Variants in MACROD2 observed in about 807,000 individuals in gnomAD.
MACROD2 encodes the protein mono-ADP ribosylhydrolase 2.
MACROD2 carries 36 observed loss-of-function variants against 70.4 expected under a neutral mutation model. That is an observed-to-expected ratio of 0.51 (90% CI 0.39 to 0.68). The LOEUF is 0.68. MACROD2 is among the 30% of genes least tolerant of loss of function. The pLI, the probability that MACROD2 is intolerant of heterozygous loss-of-function variation, is 0.00. For missense variants in MACROD2, 496 were observed against 538.4 expected (o/e 0.92, Z 0.78); for synonymous variants, 172 against 178.8 (o/e 0.96, Z 0.30).
At chr20:15,368,094 T>G (rs1394393753) in intron 6 of MACROD2, among the ~76,000 whole-genome samples, 2 of 152,116 alleles carry the variant, frequency 1.3e-5, no homozygotes, top group East Asian at 3.9e-4. Context: ...GAAATTGTCA[T>G]ATGGAAAAGA....
chr20:15,464,147 C>G (rs2046854938), intron 7 of MACROD2, among the ~76,000 whole-genome samples: 1 of 152,142 alleles, frequency 6.6e-6, no homozygotes, highest in Non-Finnish European at 1.5e-5. Flanking sequence ...CTCCTAAGCT[C>G]AAGCAATCCG....
intron 8 of MACROD2, among the ~76,000 whole-genome samples, chr20:15,715,173 T>C (rs973666443): frequency 3.3e-5 from 5 of 152,144 alleles, no homozygotes; most frequent in African/African-American, 1.2e-4. Context: ...CCAAATATTT[T>C]ATAATGATGA....
At chr20:15,884,344 T>C (rs113711781) in intron 9 of MACROD2, among the ~76,000 whole-genome samples, 1 of 152,078 alleles carries the variant, frequency 6.6e-6, no homozygotes, top group African/African-American at 2.4e-5. Flanking sequence ...TAGACGAGGC[T>C]GAGGGAGACC....
chr20:15,294,980 T>G (rs946729290), intron 6 of MACROD2, among the ~76,000 whole-genome samples: 2 of 152,236 alleles, frequency 1.3e-5, no homozygotes, highest in Admixed American at 1.3e-4. Flanking sequence ...GGTTTGGCTG[T>G]GTCCCCACTG....
intron 5 of MACROD2, among the ~76,000 whole-genome samples, chr20:14,781,532 G>A (rs2072301256): frequency 6.7e-6 from 1 of 149,840 alleles, no homozygotes; most frequent in Admixed American, 6.7e-5. Context: ...TGTGTATGGA[G>A]TGATTGGGAT....
chr20:15,885,667 T>A (rs1218943007), intron 9 of MACROD2, 97 bp from the exon 10 acceptor site: 2 of 1,134,876 alleles, frequency 1.8e-6, no homozygotes, highest in Admixed American at 6.4e-5. Flanking sequence ...TGATCTGTTA[T>A]CCCTTTCTTT....
chr20:14,132,041 G>C (rs1468564380), intron 3 of MACROD2, among the ~76,000 whole-genome samples: 1 of 148,056 alleles, frequency 6.8e-6, no homozygotes, highest in Non-Finnish European at 1.5e-5. Context: ...TGAGGCGGGA[G>C]AATGGTGTGA....
chr20:15,535,499 T>G (rs1012402634), intron 8 of MACROD2, among the ~76,000 whole-genome samples: 14 of 152,220 alleles, frequency 9.2e-5, no homozygotes, highest in African/African-American at 3.4e-4. Flanking sequence ...TCCAGGTGAT[T>G]GGGAACTACC....
intron 12 of MACROD2, among the ~76,000 whole-genome samples, chr20:15,937,966 G>A (rs1048696122): frequency 6.6e-6 from 1 of 151,658 alleles, no homozygotes; most frequent in African/African-American, 2.4e-5. Flanking sequence ...AAAAAGAAAT[G>A]TTTGAAAGGC....
At chr20:15,115,996 A>G (rs879022784) in intron 5 of MACROD2, among the ~76,000 whole-genome samples, 1 of 152,204 alleles carries the variant, frequency 6.6e-6, no homozygotes, top group Admixed American at 6.5e-5. Flanking sequence ...CTAGAATAAA[A>G]TTAAAAATAA....
intron 3 of MACROD2, among the ~76,000 whole-genome samples, chr20:14,105,480 C>T (rs1346970909): frequency 1.3e-5 from 2 of 152,168 alleles, no homozygotes; most frequent in East Asian, 3.9e-4. Flanking sequence ...GCGAATTGCC[C>T]ATCCCAGTGT....
At chr20:15,044,060 C>A (rs545712968) in intron 5 of MACROD2, among the ~76,000 whole-genome samples, 2 of 152,236 alleles carry the variant, frequency 1.3e-5, no homozygotes, top group African/African-American at 4.8e-5. Context: ...TTGATTAAGT[C>A]ATTGGCCTTT....
chr20:15,988,332 T>C (rs917575650), intron 15 of MACROD2, among the ~76,000 whole-genome samples: 1 of 152,162 alleles, frequency 6.6e-6, no homozygotes, highest in Non-Finnish European at 1.5e-5. Context: ...ATCAGATATA[T>C]GGTATTGCTC....
intron 15 of MACROD2, among the ~76,000 whole-genome samples, chr20:16,004,996 A>G (rs995983545): frequency 1.3e-5 from 2 of 152,226 alleles, no homozygotes; most frequent in African/African-American, 4.8e-5. Context: ...TTCTTGAGCA[A>G]AGCACATCCA....
chr20:14,772,802 A>G (rs1342585235), intron 5 of MACROD2, among the ~76,000 whole-genome samples: 1 of 152,126 alleles, frequency 6.6e-6, no homozygotes, highest in Non-Finnish European at 1.5e-5. Flanking sequence ...CCCCAGTGAC[A>G]TAAAAGAGAA....
chr20:14,742,800 TC>T (rs1359180799), intron 5 of MACROD2, among the ~76,000 whole-genome samples: 1 of 151,350 alleles, frequency 6.6e-6, no homozygotes, highest in African/African-American at 2.4e-5. Context: ...GGAGTCTCAC[TC>T]TGTCGCCCAG....
intron 8 of MACROD2, among the ~76,000 whole-genome samples, chr20:15,786,222 G>A (rs2051924985): frequency 6.7e-6 from 1 of 149,644 alleles, no homozygotes; most frequent in South Asian, 2.1e-4. Context: ...ATTATAGACA[G>A]TCAAAAGATA....
intron 9 of MACROD2, among the ~76,000 whole-genome samples, chr20:15,875,137 GT>G (rs1241836497): frequency 1.3e-5 from 2 of 152,152 alleles, no homozygotes; most frequent in Non-Finnish European, 2.9e-5. Flanking sequence ...TAGCTGATAT[GT>G]TGATTTTAGT....
intron 8 of MACROD2, among the ~76,000 whole-genome samples, chr20:15,822,763 G>A (rs1362922873): frequency 1.3e-5 from 2 of 152,130 alleles, no homozygotes; most frequent in African/African-American, 4.8e-5. Context: ...GGCCTTTTGC[G>A]GGAGGAAGAA....
Sources: gnomAD v4.1 joint callset for allele counts (sites outside exome capture counted in the v4.1 genomes callset) on GRCh38, gnomAD v4.1.1 for gene constraint, MANE v1.5 for transcripts, NCBI Gene and HGNC (gene_info 2026-07-23, HGNC 2026-07-21) for gene names.